The following SLC5A4 variants were observed in gnomAD, a reference collection of about 807,000 sequenced individuals.
SLC5A4 encodes the protein probable glucose sensor protein SLC5A4.
A neutral mutation model predicts 70.3 loss-of-function variants in SLC5A4; 55 were observed. That is an observed-to-expected ratio of 0.78 (90% CI 0.63 to 0.98). The LOEUF is 0.98. Ranked by LOEUF, SLC5A4 falls within the 50% of genes least tolerant of loss-of-function variation. The pLI is 0.00. For missense variants in SLC5A4, 735 were observed against 839.2 expected (o/e 0.88, Z 1.53); for synonymous variants, 268 against 305.7 (o/e 0.88, Z 1.29).
At chr22:32,340,277 C>T in the SLC5A4 span, among the ~76,000 whole-genome samples, 4 of 152,208 alleles carry the variant, frequency 2.6e-5, no homozygotes, top group East Asian at 1.9e-4. Context: ...CTGTTACTAA[C>T]GGTACTAATG....
At chr22:32,303,815 C>A in the SLC5A4 span, among the ~76,000 whole-genome samples, 4 of 152,110 alleles carry the variant, frequency 2.6e-5, no homozygotes, top group East Asian at 7.7e-4. Flanking sequence ...TGGGTAAATA[C>A]CAAGAAGTGT....
the SLC5A4 span, among the ~76,000 whole-genome samples, chr22:32,338,476 T>TCCC: frequency 1.3e-5 from 2 of 151,864 alleles, no homozygotes; most frequent in South Asian, 2.1e-4. Flanking sequence ...ACAGTGAACC[T>TCCC]CCCCCACCAC....
At chr22:32,249,165 C>T (rs920403271) in intron 3 of SLC5A4, among the ~76,000 whole-genome samples, 5 of 152,182 alleles carry the variant, frequency 3.3e-5, no homozygotes, top group Non-Finnish European at 7.3e-5. Context: ...AAGAATATCA[C>T]CAGTGCTCCC....
chr22:32,266,479 A>G, the SLC5A4 span, among the ~76,000 whole-genome samples: 1 of 152,254 alleles, frequency 6.6e-6, no homozygotes, highest in Non-Finnish European at 1.5e-5. Flanking sequence ...TTCACACTTT[A>G]CAGATTAAGC....
chr22:32,238,573 C>T (rs1339488628), intron 6 of SLC5A4, among the ~76,000 whole-genome samples: 1 of 152,226 alleles, frequency 6.6e-6, no homozygotes, highest in Non-Finnish European at 1.5e-5. Flanking sequence ...CCTCTCCCAA[C>T]TGCACCATTC....
intron 5 of SLC5A4, among the ~76,000 whole-genome samples, chr22:32,241,795 G>GTA (rs1272748944): frequency 1.5e-4 from 22 of 143,594 alleles, no homozygotes; most frequent in Non-Finnish European, 1.5e-5. Context: ...GTGTGTGTGT[G>GTA]TGTGTGTGTA....
upstream of SLC5A4, among the ~76,000 whole-genome samples, chr22:32,255,759 T>A (rs1927449317): frequency 2.0e-5 from 3 of 152,150 alleles, no homozygotes; most frequent in South Asian, 6.2e-4. Context: ...ATGAGCTATA[T>A]CCCTTGACAG....
At chr22:32,307,765 G>A in the SLC5A4 span, among the ~76,000 whole-genome samples, 8 of 152,334 alleles carry the variant, frequency 5.3e-5, no homozygotes, top group East Asian at 3.9e-4. Context: ...AGGGGACAGG[G>A]CATGGCCCCA....
At chr22:32,305,312 AGTCTCT>A in the SLC5A4 span, among the ~76,000 whole-genome samples, 1 of 130,586 alleles carries the variant, frequency 7.7e-6, no homozygotes. Flanking sequence ...CCGGGCTTGT[AGTCTCT>A]CTGCCTGTCT....
chr22:32,330,961 T>G, the SLC5A4 span, among the ~76,000 whole-genome samples: 1 of 4,938 alleles, frequency 2.0e-4, no homozygotes, highest in African/African-American at 7.4e-4. Context: ...GGTGTGTGTG[T>G]GTTGGGGGCA....
At position 32,224,212 on chromosome 22, in the gene SLC5A4, G is replaced by A. The variant is rs138657823; in HGVS notation, c.1665+55C>T. The A allele has an allele frequency of 1.9e-4, 266 of 1,399,580 alleles. No homozygotes were observed. The East Asian group carries it at 5.3e-3, about 28-fold the overall frequency. The allele number at this position is 1,399,580 out of a possible 1,614,324, so 86.7% of individuals were successfully genotyped here. On this transcript the variant is annotated intron_variant, in intron 13 of 14. Coordinates refer to ENST00000266086, the MANE Select transcript of SLC5A4 (RefSeq NM_014227.3). Reference sequence around the variant, plus strand: ...TGGGATTACAGGCGTGAGCCACTGCGCCCGGCCAAGAACTCTTATTTAAAA... The same window carrying A: ...TGGGATTACAGGCGTGAGCCACTGCACCCGGCCAAGAACTCTTATTTAAAA...
the SLC5A4 span, chr22:32,270,088 T>C: frequency 2.0e-6 from 1 of 505,218 alleles, no homozygotes. Flanking sequence ...AGTGGACACA[T>C]GGCCAGCTGG....
At chr22:32,354,005 C>A in the SLC5A4 span, among the ~76,000 whole-genome samples, 3 of 151,734 alleles carry the variant, frequency 2.0e-5, no homozygotes, top group African/African-American at 7.3e-5. Context: ...GCGCACCCAA[C>A]CCACCCCCTG....
At chr22:32,339,790 C>T in the SLC5A4 span, among the ~76,000 whole-genome samples, 3 of 152,318 alleles carry the variant, frequency 2.0e-5, no homozygotes, top group Admixed American at 6.5e-5. Flanking sequence ...TGGTAGCCCA[C>T]GAAGGGGCCA....
At position 32,239,560 on chromosome 22, in the gene SLC5A4, ATATATATATTTATATATATATT is replaced by A. The variant is rs1569374912; in HGVS notation, c.478-492_478-471del. ...TATATATATATATATATATATATATATATATATATTTATATATATATTTATATATATATAAATTATATAAAAT... is the reference window on the plus strand; with the variant it reads ...TATATATATATATATATATATATATATATATATATATAAATTATATAAAAT... On this transcript the variant is annotated intron_variant, in intron 5 of 14. Coordinates refer to ENST00000266086, the MANE Select transcript of SLC5A4 (RefSeq NM_014227.3). 2.9e-3 allele frequency among the ~76,000 whole-genome samples: 64 copies of A among 22,422 alleles called. 1 individual carries two copies. The highest frequency in any genetic ancestry group is 0.013 in the African/African-American group (60 of 4,564). 14.7% of individuals were successfully genotyped at this position (22,422 alleles called of 152,430 possible).
chr22:32,332,599 G>A, the SLC5A4 span, among the ~76,000 whole-genome samples: 4 of 152,326 alleles, frequency 2.6e-5, no homozygotes, highest in South Asian at 2.1e-4. Context: ...AGACAGGGCC[G>A]GAGGCTGCCC....
the SLC5A4 span, chr22:32,276,670 C>G: frequency 6.6e-6 from 1 of 152,112 alleles, no homozygotes; most frequent in Admixed American, 6.6e-5. Context: ...TCTGAATATT[C>G]ACTAATTTAC....
rs1925853303 is a variant in SLC5A4, at chr22:32,233,030, A to G, written c.890T>C (p.Ile297Thr). 1 of 1,612,802 alleles carries G rather than the reference A, an allele frequency of 6.2e-7. No individual in the cohort carries two copies. Among genetic ancestry groups the G allele is most frequent in the Non-Finnish European group, 8.5e-7 (1 of 1,179,466 alleles). The change falls in exon 9 of 15, where the codon ATT (isoleucine) becomes ACT (threonine). Residue 297 changes from isoleucine (I) to threonine (T), a missense_variant. Coordinates refer to ENST00000266086, the MANE Select transcript of SLC5A4 (RefSeq NM_014227.3). ...ALWYWCTNQVIVQRCLCGKDM... is the reference protein window; with the variant it reads ...ALWYWCTNQVTVQRCLCGKDM... ...CTTGCCACACAGGCAGCGCTGCACA[A>G]TGACCTGCCGGGAGAACGTGACACA...
At chr22:32,331,355 C>T in the SLC5A4 span, among the ~76,000 whole-genome samples, 3 of 152,006 alleles carry the variant, frequency 2.0e-5, no homozygotes, top group Admixed American at 6.5e-5. Flanking sequence ...GCAAGAAAAA[C>T]GCCGCTGGCG....
Sources: gnomAD v4.1 joint callset for allele counts (sites outside exome capture counted in the v4.1 genomes callset) on GRCh38, gnomAD v4.1.1 for gene constraint, MANE v1.5 for transcripts, NCBI Gene and HGNC (gene_info 2026-07-23, HGNC 2026-07-21) for gene names.